The following FAM81A variants were observed in gnomAD, a reference collection of about 807,000 sequenced individuals.
FAM81A encodes family with sequence similarity 81 member A, also known as protein FAM81A.
Under a neutral mutation model 46.7 loss-of-function variants are expected in FAM81A, and 19 were observed. The ratio of observed to expected loss-of-function variants is 0.41; its 90% CI spans 0.28 to 0.60. The LOEUF (loss-of-function observed/expected upper bound fraction) is 0.60. Among genes scored for constraint, FAM81A ranks in the 20% least tolerant of loss-of-function variants. FAM81A has a pLI of 0.34. For missense variants in FAM81A, 377 were observed against 453.5 expected, an observed-to-expected ratio of 0.83 and a Z score of 1.53; for synonymous variants, 183 against 152.9, an observed-to-expected ratio of 1.20 and a Z score of -1.45.
intron 4 of FAM81A, among the ~76,000 whole-genome samples, chr15:59,498,566 TGTG>T (rs1361829261): frequency 2.0e-5 from 3 of 152,342 alleles, no homozygotes; most frequent in Non-Finnish European, 4.4e-5. Flanking sequence ...GTTGAATAAA[TGTG>T]GTGAGAGCAG....
intron 2 of FAM81A, among the ~76,000 whole-genome samples, chr15:59,428,863 A>C (rs1470580708): frequency 6.6e-6 from 1 of 151,962 alleles, no homozygotes; most frequent in Non-Finnish European, 1.5e-5. Flanking sequence ...ACTCCTGAGC[A>C]CAAGTGATCT....
chr15:59,507,662 G>A (rs965696083), intron 5 of FAM81A, among the ~76,000 whole-genome samples: 4 of 152,136 alleles, frequency 2.6e-5, no homozygotes, highest in African/African-American at 9.7e-5. Context: ...AAGTGATCAA[G>A]CATCCTTTAC....
chr15:59,437,005 A>G (rs1302990640), upstream of FAM81A, among the ~76,000 whole-genome samples: 2 of 152,216 alleles, frequency 1.3e-5, no homozygotes, highest in African/African-American at 4.8e-5. Flanking sequence ...CAGCCATCCA[A>G]TAGATACTGT....
intron 1 of FAM81A, among the ~76,000 whole-genome samples, chr15:59,454,295 T>G (rs996209665): frequency 6.6e-6 from 1 of 152,228 alleles, no homozygotes; most frequent in African/African-American, 2.4e-5. Context: ...TGTTTTTACA[T>G]GATTGGTATT....
chr15:59,482,458 G>A (rs572144373), intron 3 of FAM81A, among the ~76,000 whole-genome samples: 103 of 152,092 alleles, frequency 6.8e-4, no homozygotes, highest in African/African-American at 2.3e-3. Flanking sequence ...TAGTAGAGAC[G>A]GGGTTTCACC....
chr15:59,433,383 T>C (rs1054329292), upstream of FAM81A, among the ~76,000 whole-genome samples: 2 of 152,084 alleles, frequency 1.3e-5, no homozygotes, highest in Non-Finnish European at 2.9e-5. Flanking sequence ...TTCCCTGTTA[T>C]GTACAACTGC....
intron 1 of FAM81A, among the ~76,000 whole-genome samples, chr15:59,399,736 C>G (rs1415715611): frequency 2.0e-5 from 3 of 152,154 alleles, no homozygotes; most frequent in African/African-American, 4.8e-5. Context: ...GGCCAGTCCT[C>G]ATTCTCAGGT....
intron 3 of FAM81A, among the ~76,000 whole-genome samples, chr15:59,468,303 C>G (rs527982377): frequency 2.6e-4 from 40 of 152,184 alleles, no homozygotes; most frequent in African/African-American, 9.4e-4. Context: ...CTCTTTGTAC[C>G]TCTGGTAGAA....
chr15:59,458,947 G>A (rs539684149), intron 2 of FAM81A, among the ~76,000 whole-genome samples: 6 of 152,338 alleles, frequency 3.9e-5, no homozygotes, highest in African/African-American at 1.2e-4. Flanking sequence ...CAGATTAGGG[G>A]CCTATCGGCC....
At chr15:59,504,445 T>C (rs1272728337) in intron 4 of FAM81A, among the ~76,000 whole-genome samples, 1 of 152,218 alleles carries the variant, frequency 6.6e-6, no homozygotes, top group Non-Finnish European at 1.5e-5. Context: ...ATATATAATG[T>C]CTCCTTGCAT....
At chr15:59,519,552 T>C (rs2141852188) in intron 8 of FAM81A, among the ~76,000 whole-genome samples, 1 of 150,442 alleles carries the variant, frequency 6.6e-6, no homozygotes, top group Non-Finnish European at 1.5e-5. Context: ...CTTTCTTCCT[T>C]TCTTTCCTTT....
chr15:59,462,202 CAA>C (rs58692315), intron 3 of FAM81A, among the ~76,000 whole-genome samples: 24 of 67,530 alleles, frequency 3.6e-4, no homozygotes, highest in Non-Finnish European at 2.8e-4. Context: ...GACTGCATCT[CAA>C]AAAAAAAAAA....
rs537351067 is a variant in FAM81A, at chr15:59,455,880, TA to T, written c.-77-2668del. Among the ~76,000 whole-genome samples the T allele has an allele frequency of 1.2e-3, 181 of 152,342 alleles. 1 individual carries two copies. Among genetic ancestry groups the T allele is most frequent in the African/African-American group, 4.0e-3 (166 of 41,586 alleles). On this transcript the variant is annotated intron_variant, in intron 1 of 8. Transcript: ENST00000288228. ...AGTCTTGGTAAATAATTATACTTTT[TA>T]ACTAAAGTATATTGTCTTATATCTT...
chr15:59,421,270 G>T (rs1486495533), intron 2 of FAM81A, among the ~76,000 whole-genome samples: 1 of 152,200 alleles, frequency 6.6e-6, no homozygotes, highest in African/African-American at 2.4e-5. Flanking sequence ...TGGAAAGGCA[G>T]ATCCCTGACA....
At chr15:59,453,970 C>T (rs1394828472) in intron 1 of FAM81A, among the ~76,000 whole-genome samples, 1 of 152,206 alleles carries the variant, frequency 6.6e-6, no homozygotes. Context: ...TGACTCCTGC[C>T]TGCCTGGGAG....
chr15:59,422,409 C>T (rs188431897), intron 2 of FAM81A, among the ~76,000 whole-genome samples: 1 of 151,956 alleles, frequency 6.6e-6, no homozygotes, highest in African/African-American at 2.4e-5. Context: ...AAAAATAAAA[C>T]AAAGTGTTCT....
chr15:59,473,171 T>G (rs562929825), intron 3 of FAM81A, among the ~76,000 whole-genome samples: 1 of 152,148 alleles, frequency 6.6e-6, no homozygotes, highest in African/African-American at 2.4e-5. Flanking sequence ...GTAGGCCCCT[T>G]TATCTGTGGC....
chr15:59,512,857 G>A (rs183534538), intron 6 of FAM81A, among the ~76,000 whole-genome samples: 2 of 152,334 alleles, frequency 1.3e-5, no homozygotes, highest in East Asian at 3.9e-4. Context: ...TTAAAGATAG[G>A]ACTGGAAAGG....
rs546287751 is a variant in FAM81A, at chr15:59,457,379, G to A, written c.-77-1171G>A. On this transcript the variant is annotated intron_variant, in intron 1 of 8. Coordinates refer to ENST00000288228, the MANE Select transcript of FAM81A (RefSeq NM_152450.3). ...AGATTGACTGTTGGGGTATTGCAGT[G>A]CTTGTGACCAAGTAACCCTTATTTT... Among the ~76,000 whole-genome samples the A allele has an allele frequency of 1.5e-4, 23 of 152,256 alleles. No homozygotes were observed. In the South Asian group the frequency reaches 4.8e-3, roughly 32 times the overall value.
Sources: allele counts gnomAD v4.1 joint callset (sites outside exome capture counted in the v4.1 genomes callset), GRCh38; gene constraint gnomAD v4.1.1; transcripts MANE v1.5; gene names NCBI Gene and HGNC (gene_info 2026-07-23, HGNC 2026-07-21).